The following OSBPL9 variants were observed in gnomAD, a reference collection of about 807,000 sequenced individuals.
OSBPL9 encodes the protein oxysterol-binding protein-related protein 9.
In OSBPL9, 40 loss-of-function variants were observed where a neutral mutation model predicts 106.6. The observed-to-expected ratio is 0.38, with a 90% CI of 0.29 to 0.49. OSBPL9 has a LOEUF of 0.49. Among genes scored for constraint, OSBPL9 ranks in the 20% least tolerant of loss-of-function variants. OSBPL9 has a pLI of 0.97. For synonymous variants in OSBPL9, 269 were observed against 295.4 expected, an observed-to-expected ratio of 0.91 and a Z score of 0.92; for missense variants, 609 against 887.2, an observed-to-expected ratio of 0.69 and a Z score of 3.98.
At chr1:51,676,190 A>C (rs905189665) in intron 3 of OSBPL9, among the ~76,000 whole-genome samples, 2 of 152,086 alleles carry the variant, frequency 1.3e-5, no homozygotes, top group Non-Finnish European at 2.9e-5. Context: ...ACTTTGGGAG[A>C]CCGAGGTGGT....
At chr1:51,671,406 T>G (rs910947309) in intron 3 of OSBPL9, among the ~76,000 whole-genome samples, 3 of 150,948 alleles carry the variant, frequency 2.0e-5, no homozygotes, top group Non-Finnish European at 4.4e-5. Flanking sequence ...AATACACCAG[T>G]TTTTTTTTAA....
chr1:51,557,996 A>G, the OSBPL9 span, among the ~76,000 whole-genome samples: 1 of 152,132 alleles, frequency 6.6e-6, no homozygotes, highest in African/African-American at 2.4e-5. Flanking sequence ...TTTAGTTTAT[A>G]ATCTAATTTA....
At chr1:51,780,259 ACTG>A in intron 15 of OSBPL9, among the ~76,000 whole-genome samples, 1 of 152,210 alleles carries the variant, frequency 6.6e-6, no homozygotes, top group Non-Finnish European at 1.5e-5. Flanking sequence ...ACACTTTTAC[ACTG>A]CTGGTGGGAA....
intron 1 of OSBPL9, among the ~76,000 whole-genome samples, chr1:51,631,071 A>T (rs1371964997): frequency 6.6e-6 from 1 of 152,100 alleles, no homozygotes; most frequent in Non-Finnish European, 1.5e-5. Flanking sequence ...GAGGTTAGGG[A>T]TTTTTCAAAG....
At chr1:51,569,034 A>G in the OSBPL9 span, among the ~76,000 whole-genome samples, 1 of 152,014 alleles carries the variant, frequency 6.6e-6, no homozygotes, top group African/African-American at 2.4e-5. Flanking sequence ...CTTAATTTTC[A>G]ACCTTACCTC....
chr1:51,573,672 A>AGC (rs1432639782), upstream of OSBPL9, among the ~76,000 whole-genome samples: 2 of 150,870 alleles, frequency 1.3e-5, no homozygotes, highest in East Asian at 3.9e-4. Flanking sequence ...ACATTAGCTG[A>AGC]GCAGGGTGGC....
chr1:51,696,376 C>T (rs945661716), intron 3 of OSBPL9, among the ~76,000 whole-genome samples: 2 of 152,192 alleles, frequency 1.3e-5, no homozygotes, highest in African/African-American at 4.8e-5. Context: ...GGCCCTGACT[C>T]AGTGACTGAG....
At chr1:51,616,003 G>GTTTTTTTTTTTTTTTTTTTTT (rs764823727), upstream of OSBPL9, among the ~76,000 whole-genome samples, 1 of 104,496 alleles carries the variant, frequency 9.6e-6, no homozygotes, top group Non-Finnish European at 1.8e-5. Flanking sequence ...AAATCCTTTG[G>GTTTTTTTTTTTTTTTTTTTTT]TTTTTTTTTT....
At chr1:51,518,836 C>CTCA in the OSBPL9 span, among the ~76,000 whole-genome samples, 1 of 151,790 alleles carries the variant, frequency 6.6e-6, no homozygotes, top group Non-Finnish European at 1.5e-5. Flanking sequence ...ATGCGTGCGG[C>CTCA]CCTGTGGGAG....
intron 2 of OSBPL9, among the ~76,000 whole-genome samples, chr1:51,604,937 C>G (rs1204039630): frequency 3.3e-5 from 5 of 152,122 alleles, no homozygotes; most frequent in African/African-American, 9.7e-5. Flanking sequence ...CAGGCGTGAG[C>G]CACCGCACCT....
At chr1:51,623,099 T>G (rs1223332136) in intron 1 of OSBPL9, among the ~76,000 whole-genome samples, 10 of 152,196 alleles carry the variant, frequency 6.6e-5, no homozygotes, top group Non-Finnish European at 4.4e-5. Context: ...CTAAAGCATA[T>G]CCATTGGATT....
At position 51,720,688 on chromosome 1, in the gene OSBPL9, A is replaced by G. The variant is rs190522804; in HGVS notation, c.318+6609A>G. On this transcript the variant is annotated intron_variant, in intron 4 of 23. Transcript: ENST00000428468. ...TATTTCAAAAATTTAAATGGTTTCT[A>G]TGATTATTCTTTGGGCTAAGAAATT... Among the ~76,000 whole-genome samples the G allele has an allele frequency of 2.0e-5, 3 of 151,402 alleles. No individual in the cohort carries two copies. In the East Asian group the frequency reaches 5.8e-4, roughly 29 times the overall value.
intron 15 of OSBPL9, among the ~76,000 whole-genome samples, chr1:51,777,382 T>G (rs1340627934): frequency 6.6e-6 from 1 of 152,240 alleles, no homozygotes; most frequent in African/African-American, 2.4e-5. Flanking sequence ...TTATAAATTT[T>G]AAATATAAAG....
At chr1:51,563,370 T>C in the OSBPL9 span, among the ~76,000 whole-genome samples, 1 of 152,214 alleles carries the variant, frequency 6.6e-6, no homozygotes, top group Non-Finnish European at 1.5e-5. Flanking sequence ...ACTGGCTGCT[T>C]TCCACCACTC....
chr1:51,630,182 A>G (rs1437221096), intron 1 of OSBPL9, among the ~76,000 whole-genome samples: 1 of 152,144 alleles, frequency 6.6e-6, no homozygotes, highest in African/African-American at 2.4e-5. Flanking sequence ...CTTTTCTGTG[A>G]TAGATAATGA....
rs533767844 is a variant in OSBPL9, at chr1:51,577,999, C to A, written c.-423+743C>A. 8.5e-5 allele frequency among the ~76,000 whole-genome samples: 13 copies of A among 152,308 alleles called. No individual in the cohort carries two copies. The East Asian group carries it at 2.3e-3, about 27-fold the overall frequency. Reference sequence around the variant, plus strand: ...TTTAAGAGTCAATCATAGCACTTCACGGTCTGTAATTAATAGTTTGTGTAT... The same window carrying A: ...TTTAAGAGTCAATCATAGCACTTCAAGGTCTGTAATTAATAGTTTGTGTAT... On this transcript the variant is annotated intron_variant, in intron 1 of 25. Coordinates refer to the OSBPL9 transcript ENST00000371714.
chr1:51,622,609 A>G (rs1398339120), intron 1 of OSBPL9, among the ~76,000 whole-genome samples: 1 of 152,178 alleles, frequency 6.6e-6, no homozygotes, highest in Non-Finnish European at 1.5e-5. Context: ...GATGACTCAC[A>G]TGGCTGTTGT....
chr1:51,766,288 C>T (rs1004933319), intron 12 of OSBPL9, among the ~76,000 whole-genome samples: 5 of 152,062 alleles, frequency 3.3e-5, no homozygotes, highest in African/African-American at 2.4e-5. Context: ...GAACCCTGGC[C>T]GTTTCTACAG....
chr1:51,669,802 G>A (rs751993299), intron 3 of OSBPL9: 220 of 538,712 alleles, frequency 4.1e-4, no homozygotes, highest in Middle Eastern at 8.4e-4. Context: ...CTGCTGGCTT[G>A]TGTTTACAGA....
Sources: gnomAD v4.1 joint callset for allele counts (sites outside exome capture counted in the v4.1 genomes callset) on GRCh38, gnomAD v4.1.1 for gene constraint, MANE v1.5 for transcripts, NCBI Gene and HGNC (gene_info 2026-07-23, HGNC 2026-07-21) for gene names.